Variants in VWA2 observed in about 807,000 individuals in gnomAD.
VWA2 encodes von Willebrand factor A domain containing 2, also known as von Willebrand factor A domain-containing protein 2.
A neutral mutation model predicts 70.4 loss-of-function variants in VWA2; 73 were observed. The observed-to-expected ratio is 1.04, with a 90% CI of 0.86 to 1.26. The LOEUF is 1.26. VWA2 is among the 50% of genes most tolerant of loss of function. The probability of loss-of-function intolerance (pLI) is 0.00; values close to 1 mark genes in which losing one functional copy is unlikely to be tolerated. For synonymous variants in VWA2, 407 were observed against 423.3 expected (o/e 0.96, Z 0.47); for missense variants, 1,011 against 998.5 (o/e 1.01, Z -0.17).
intron 5 of VWA2, among the ~76,000 whole-genome samples, chr10:114,266,502 C>G (rs1036543961): frequency 6.6e-6 from 1 of 152,148 alleles, no homozygotes; most frequent in Admixed American, 6.5e-5. Context: ...CCTTTCCAGA[C>G]CGAGGCAGTC....
In VWA2 at chr10:114,282,531, C is replaced by T; in HGVS notation, c.849C>T (p.Phe283=). The stretch of plus-strand genomic sequence containing the variant: ...TGGATTGTAGCTGGAAGAGAGTGTT[C>T]CTAACCCACCCTGCCACCTGCTACA... The part of the protein sequence containing the change: ...HCPFYSWKRV[F]LTHPATCYRT... The change falls in exon 9 of 14, where the codon TTC becomes TTT. Residue 283 remains phenylalanine (F), a synonymous_variant. Transcript: ENST00000392982. 2 of 1,613,976 alleles carry T rather than the reference C, an allele frequency of 1.2e-6. No homozygotes were observed. The highest frequency in any genetic ancestry group is 1.7e-6 in the Non-Finnish European group (2 of 1,179,874).
intron 1 of VWA2, among the ~76,000 whole-genome samples, chr10:114,240,178 A>G (rs1236632721): frequency 1.3e-5 from 2 of 152,064 alleles, no homozygotes; most frequent in Non-Finnish European, 2.9e-5. Context: ...TGGGAAGTCC[A>G]GGGGTTTGTC....
At chr10:114,290,214 G>C (rs1255293160) in intron 12 of VWA2, 26 bp from the exon 13 acceptor site, 2 of 1,549,762 alleles carry the variant, frequency 1.3e-6, no homozygotes, top group South Asian at 2.4e-5. Context: ...TGGCCGGCCT[G>C]GTGGGTATGG....
intron 1 of VWA2, 128 bp from the exon 2 acceptor site, chr10:114,248,573 TGTG>T (rs1419668455): frequency 2.8e-6 from 2 of 721,712 alleles, no homozygotes; most frequent in Non-Finnish European, 4.9e-6. Flanking sequence ...TTCTAGTTAT[TGTG>T]GTGAGGGCCT....
rs12572135 is a variant in VWA2 at position 114,293,241 on chromosome 10, C to T, written c.*2004C>T. Reference sequence around the variant, plus strand: ...GCTGCCCTTCACAGAAGACAACGTCCGGGGCAGGATCACATGCTCCCTAGC... The same window carrying T: ...GCTGCCCTTCACAGAAGACAACGTCTGGGGCAGGATCACATGCTCCCTAGC... On this transcript the variant is annotated 3_prime_UTR_variant, in exon 14 of 14. Coordinates refer to ENST00000392982, the MANE Select transcript of VWA2 (RefSeq NM_001272046.2). Among the ~76,000 whole-genome samples the T allele has an allele frequency of 0.078, 11,894 of 152,178 alleles. 613 individuals carry two copies. Among genetic ancestry groups the T allele is most frequent in the East Asian group, 0.25 (1,291 of 5,170 alleles).
rs563080845 is a variant in VWA2 at position 114,280,346 on chromosome 10, A to G, written c.833+1495A>G. On this transcript the variant is annotated intron_variant, in intron 8 of 13. Coordinates refer to ENST00000392982, the MANE Select transcript of VWA2 (RefSeq NM_001272046.2). ...AGCTGACGCTCCAGTAATGGGAGGCAGTCATTCCAAAATGAATACAGAAAA... is the reference window on the plus strand; with the variant it reads ...AGCTGACGCTCCAGTAATGGGAGGCGGTCATTCCAAAATGAATACAGAAAA... Among the ~76,000 whole-genome samples, 8 of 152,322 alleles carry G rather than the reference A, an allele frequency of 5.3e-5. No individual in the cohort carries two copies. The South Asian group carries it at 6.2e-4, about 12-fold the overall frequency.
intron 6 of VWA2, among the ~76,000 whole-genome samples, chr10:114,276,891 G>A (rs1221838152): frequency 2.6e-5 from 4 of 152,110 alleles, no homozygotes; most frequent in African/African-American, 2.4e-5. Flanking sequence ...CTGGCAGCTT[G>A]TAAGAAAGTC....
intron 1 of VWA2, among the ~76,000 whole-genome samples, chr10:114,248,024 T>A (rs566624728): frequency 6.6e-6 from 1 of 151,928 alleles, no homozygotes; most frequent in African/African-American, 2.4e-5. Flanking sequence ...CAAAAATCAC[T>A]TGAACCCCGG....
At position 114,289,600 on chromosome 10, in the gene VWA2, G is replaced by A. The variant is rs909261272; in HGVS notation, c.2122+111G>A. On this transcript the variant is annotated intron_variant, in intron 12 of 13. Transcript: ENST00000392982. ...AGCTCTTCCCAGCTACTGAGCACTT[G>A]CTTCCCAAGTGCCAGGTTCTGTGCT... 4 of 1,285,328 alleles carry A rather than the reference G, an allele frequency of 3.1e-6. No individual in the cohort carries two copies. The East Asian group carries it at 9.3e-5, about 30-fold the overall frequency. 79.6% of individuals were successfully genotyped at this position (1,285,328 alleles called of 1,614,324 possible). A position where few individuals can be genotyped will look rare whatever the true frequency, so the allele number is the denominator to read the frequency against.
At chr10:114,249,840 A>C (rs1365112873) in intron 2 of VWA2, among the ~76,000 whole-genome samples, 1 of 152,122 alleles carries the variant, frequency 6.6e-6, no homozygotes, top group Admixed American at 6.5e-5. Flanking sequence ...AAAACTTTTC[A>C]GTGACTTTCT....
At chr10:114,241,903 C>G (rs1001926638) in intron 1 of VWA2, among the ~76,000 whole-genome samples, 5 of 116,008 alleles carry the variant, frequency 4.3e-5, no homozygotes, top group African/African-American at 1.6e-4. Flanking sequence ...TCCCACCCCC[C>G]TCCCTATCAT....
intron 8 of VWA2, among the ~76,000 whole-genome samples, chr10:114,282,305 A>AT (rs908704162): frequency 1.4e-4 from 22 of 151,770 alleles, no homozygotes; most frequent in African/African-American, 2.9e-4. Context: ...CTCCCAGCCT[A>AT]TTTTTTTTAA....
intron 2 of VWA2, among the ~76,000 whole-genome samples, chr10:114,252,506 A>G (rs900942145): frequency 6.6e-6 from 1 of 152,134 alleles, no homozygotes; most frequent in Non-Finnish European, 1.5e-5. Flanking sequence ...TAGGTTGACC[A>G]ATAACGTGGG....
intron 2 of VWA2, among the ~76,000 whole-genome samples, chr10:114,250,031 C>T (rs1436991496): frequency 1.3e-5 from 2 of 152,160 alleles, no homozygotes; most frequent in Non-Finnish European, 2.9e-5. Context: ...AACACTGCCA[C>T]CCTGGCAAAC....
chr10:114,255,229 CT>C (rs376033907), intron 4 of VWA2, among the ~76,000 whole-genome samples, 181 bp downstream of exon 4: 330 of 142,594 alleles, frequency 2.3e-3, no homozygotes, highest in Admixed American at 9.7e-3. Context: ...GCATCTTTTT[CT>C]TTTTTTTTTT....
At chr10:114,243,913 TGAG>T (rs1486889005) in intron 1 of VWA2, among the ~76,000 whole-genome samples, 1 of 152,174 alleles carries the variant, frequency 6.6e-6, no homozygotes. Flanking sequence ...CACACTCTGT[TGAG>T]GAGATCAGGG....
At chr10:114,269,864 C>T (rs2037669105) in intron 5 of VWA2, among the ~76,000 whole-genome samples, 1 of 152,206 alleles carries the variant, frequency 6.6e-6, no homozygotes, top group Non-Finnish European at 1.5e-5. Flanking sequence ...GGCCATAGGG[C>T]TCACTGGCCA....
intron 13 of VWA2, 115 bp from the exon 14 acceptor site, chr10:114,291,103 G>A (rs2039550800): frequency 1.6e-6 from 2 of 1,216,244 alleles, no homozygotes; most frequent in East Asian, 2.6e-5. Flanking sequence ...TCTTCTGCTG[G>A]GGGCGAGGTG....
intron 2 of VWA2, 113 bp from the exon 3 acceptor site, chr10:114,253,538 C>T: frequency 2.3e-6 from 2 of 881,758 alleles, no homozygotes; most frequent in Non-Finnish European, 3.6e-6. Flanking sequence ...CATCACTCCC[C>T]CACATTCTAG....
Sources: allele counts gnomAD v4.1 joint callset (sites outside exome capture counted in the v4.1 genomes callset), GRCh38; gene constraint gnomAD v4.1.1; transcripts MANE v1.5; gene names NCBI Gene and HGNC (gene_info 2026-07-23, HGNC 2026-07-21).